Variants in PCBP3 observed in about 807,000 individuals in gnomAD.
PCBP3 encodes the protein poly(rC)-binding protein 3.
In PCBP3, 25 loss-of-function variants were observed where a neutral mutation model predicts 52.7. The ratio of observed to expected loss-of-function variants is 0.47; its 90% CI spans 0.35 to 0.66. The LOEUF (loss-of-function observed/expected upper bound fraction) is 0.66, where lower values mean the gene tolerates loss of function less well. Ranked by LOEUF, PCBP3 falls within the 30% of genes least tolerant of loss-of-function variation. PCBP3 has a pLI of 0.01. For missense variants in PCBP3, 391 were observed against 490.3 expected, an observed-to-expected ratio of 0.80 and a Z score of 1.91; for synonymous variants, 162 against 183.0, an observed-to-expected ratio of 0.89 and a Z score of 0.93.
At chr21:45,849,932 T>C (rs1345063219) in intron 4 of PCBP3, 29 bp from the exon 5 acceptor site, 1 of 714,354 alleles carries the variant, frequency 1.4e-6, no homozygotes, top group African/African-American at 1.8e-5. Flanking sequence ...ACTGGTGCGC[T>C]CACACAGCCC....
intron 16 of PCBP3, 112 bp downstream of exon 16, chr21:45,935,417 C>A: frequency 1.3e-6 from 1 of 746,964 alleles, no homozygotes; most frequent in Non-Finnish European, 2.4e-6. Context: ...AATGCCTTCA[C>A]CACCCCAACC....
chr21:45,909,361 A>G lies in PCBP3; in HGVS notation c.346A>G (p.Ile116Val), dbSNP rs1433120177. 2.5e-6 allele frequency: 4 copies of G among 1,612,290 alleles called. No homozygotes were observed. The Admixed American group carries it at 6.7e-5, about 27-fold the overall frequency. Residue 116 changes from isoleucine (I) to valine (V), a missense_variant, in exon 10 of 18, where the codon ATC (isoleucine) becomes GTC (valine). Transcript: ENST00000681687. Reference protein sequence around the residue: ...MIAYKFEEDIINSMSNSPATS... With the variant: ...MIAYKFEEDIVNSMSNSPATS... The stretch of plus-strand genomic sequence containing the variant: ...ACACGTGTCTCTCCCCTAGGATATC[A>G]TCAACTCCATGAGCAACAGCCCTGC...
chr21:45,728,063 A>T (rs1401479081), intron 2 of PCBP3, among the ~76,000 whole-genome samples: 1 of 152,148 alleles, frequency 6.6e-6, no homozygotes, highest in Non-Finnish European at 1.5e-5. Context: ...CTAGAATTAG[A>T]TTAGTTCAGC....
At chr21:45,899,532 C>G (rs1373655873) in intron 6 of PCBP3, 67 bp from the exon 7 acceptor site, 20 of 1,286,482 alleles carry the variant, frequency 1.6e-5, no homozygotes, top group Non-Finnish European at 1.9e-5. Flanking sequence ...TCGGTAGTGT[C>G]TGCCTCCAGT....
chr21:45,823,739 T>A (rs995739420), intron 4 of PCBP3, among the ~76,000 whole-genome samples: 8 of 152,108 alleles, frequency 5.3e-5, no homozygotes, highest in East Asian at 3.9e-4. Context: ...TTTTATTTTT[T>A]AATTTTTATT....
intron 12 of PCBP3, chr21:45,914,415 C>T (rs1424046393): frequency 9.6e-6 from 4 of 418,410 alleles, no homozygotes; most frequent in Admixed American, 4.4e-5. Flanking sequence ...CACTGACATC[C>T]GTGTTCCCAA....
At chr21:45,773,420 T>A (rs936862005) in intron 4 of PCBP3, among the ~76,000 whole-genome samples, 2 of 152,174 alleles carry the variant, frequency 1.3e-5, no homozygotes, top group African/African-American at 4.8e-5. Flanking sequence ...CAGTGTAAGT[T>A]CTTGTCAGCT....
intron 2 of PCBP3, chr21:45,673,866 GT>G (rs755201393): frequency 1.1e-4 from 17 of 152,138 alleles, no homozygotes; most frequent in Non-Finnish European, 1.9e-4. Context: ...CTCTCTATGA[GT>G]TTTACTTAGT....
At chr21:45,874,074 C>T (rs188636906) in intron 5 of PCBP3, among the ~76,000 whole-genome samples, 4 of 152,072 alleles carry the variant, frequency 2.6e-5, no homozygotes, top group African/African-American at 7.2e-5. Flanking sequence ...GTGATCCACC[C>T]GCCTCAGCCT....
At chr21:45,922,146 C>A (rs2074533508) in intron 13 of PCBP3, among the ~76,000 whole-genome samples, 1 of 152,236 alleles carries the variant, frequency 6.6e-6, no homozygotes, top group Non-Finnish European at 1.5e-5. Flanking sequence ...CGAGAGCGCC[C>A]ACACCTGGAC....
chr21:45,854,250 A>G (rs1024541946), intron 5 of PCBP3, among the ~76,000 whole-genome samples: 1 of 152,082 alleles, frequency 6.6e-6, no homozygotes, highest in Non-Finnish European at 1.5e-5. Flanking sequence ...CTTTTTTAAA[A>G]TTTATTTTTG....
chr21:45,676,300 G>A (rs1303258345), intron 2 of PCBP3, among the ~76,000 whole-genome samples: 1 of 152,080 alleles, frequency 6.6e-6, no homozygotes, highest in African/African-American at 2.4e-5. Context: ...TGGAAAACTT[G>A]TATCTGTCAT....
chr21:45,683,655 G>A (rs143288934), intron 2 of PCBP3, among the ~76,000 whole-genome samples: 4 of 152,124 alleles, frequency 2.6e-5, no homozygotes, highest in East Asian at 1.9e-4. Flanking sequence ...TAAAAATAAG[G>A]TGTTGCTGCG....
chr21:45,912,938 C>G (rs1182862084), intron 11 of PCBP3, among the ~76,000 whole-genome samples: 6 of 152,184 alleles, frequency 3.9e-5, no homozygotes, highest in African/African-American at 1.2e-4. Context: ...CATCTTGGGG[C>G]TTTGAGTGTG....
intron 11 of PCBP3, chr21:45,911,411 G>T (rs921374753): frequency 3.6e-6 from 1 of 276,844 alleles, no homozygotes; most frequent in Non-Finnish European, 7.1e-6. Context: ...GGGGGTGGGA[G>T]GGAGGCAAAG....
rs1452442346 is a variant in PCBP3, at chr21:45,911,124, G to A, written c.600+94G>A. On this transcript the variant is annotated intron_variant, in intron 11 of 17. Coordinates refer to ENST00000681687, the MANE Select transcript of PCBP3 (RefSeq NM_001384156.1). ...GCTTGGAAGCCCCGGTCGCCCCAAG[G>A]ACTCACACAGTTGGGGCTGTGGGGG... The A allele has an allele frequency of 2.1e-6, 3 of 1,422,616 alleles. No individual in the cohort carries two copies. The East Asian group carries it at 6.9e-5, about 32-fold the overall frequency. The allele number at this position is 1,422,616 out of a possible 1,614,324, so 88.1% of individuals were successfully genotyped here.
At chr21:45,676,077 T>C (rs920761431) in intron 2 of PCBP3, among the ~76,000 whole-genome samples, 1 of 152,212 alleles carries the variant, frequency 6.6e-6, no homozygotes, top group African/African-American at 2.4e-5. Context: ...CTTGTGCTTT[T>C]TTTGGGTTAG....
At chr21:45,769,513 G>C (rs1338405718) in intron 4 of PCBP3, among the ~76,000 whole-genome samples, 2 of 152,266 alleles carry the variant, frequency 1.3e-5, no homozygotes, top group Non-Finnish European at 2.9e-5. Context: ...GGCCCCTACT[G>C]TGCTTTGTTC....
chr21:45,691,172 A>G (rs1219570212), intron 2 of PCBP3, among the ~76,000 whole-genome samples: 1 of 152,050 alleles, frequency 6.6e-6, no homozygotes, highest in East Asian at 1.9e-4. Context: ...ATAAACAGGA[A>G]CAAAATACAT....
Sources: allele counts gnomAD v4.1 joint callset (sites outside exome capture counted in the v4.1 genomes callset), GRCh38; gene constraint gnomAD v4.1.1; transcripts MANE v1.5; gene names NCBI Gene and HGNC (gene_info 2026-07-23, HGNC 2026-07-21).